SEMA3E: variants seen among roughly 807,000 people sequenced by gnomAD.
SEMA3E encodes semaphorin-3E.
A neutral mutation model predicts 93.6 loss-of-function variants in SEMA3E; 49 were observed. The observed-to-expected ratio is 0.52, with a 90% confidence interval of 0.42 to 0.66. The LOEUF is 0.66. Among genes scored for constraint, SEMA3E ranks in the 30% least tolerant of loss-of-function variants. The pLI, the probability that SEMA3E is intolerant of heterozygous loss-of-function variation, is 0.00. For missense variants in SEMA3E, 906 were observed against 964.8 expected, an observed-to-expected ratio of 0.94 and a Z score of 0.81; for synonymous variants, 363 against 330.7, an observed-to-expected ratio of 1.10 and a Z score of -1.06.
intron 1 of SEMA3E, among the ~76,000 whole-genome samples, chr7:83,582,815 T>C (rs951399417): frequency 7.2e-5 from 11 of 152,158 alleles, no homozygotes; most frequent in Admixed American, 7.2e-4. Context: ...TATATACACA[T>C]ATACAAACAC....
intron 16 of SEMA3E, among the ~76,000 whole-genome samples, chr7:83,377,261 G>T (rs1787664599): frequency 6.6e-6 from 1 of 151,922 alleles, no homozygotes; most frequent in Admixed American, 6.6e-5. Flanking sequence ...TGCACAAAAA[G>T]ACTTTTTCCC....
chr7:83,588,660 C>G (rs529863190), intron 1 of SEMA3E, among the ~76,000 whole-genome samples: 14 of 152,092 alleles, frequency 9.2e-5, no homozygotes, highest in Admixed American at 5.9e-4. Flanking sequence ...AGTGTTTGAA[C>G]CTTTTTCCTC....
At chr7:83,454,272 A>AAAAAAAATATAT (rs1257792756) in intron 4 of SEMA3E, among the ~76,000 whole-genome samples, 2 of 110,134 alleles carry the variant, frequency 1.8e-5, no homozygotes, top group African/African-American at 8.7e-5. Flanking sequence ...AAAAAAAAAA[A>AAAAAAAATATAT]ATATATATAT....
chr7:83,635,642 C>A (rs887470647), intron 1 of SEMA3E, among the ~76,000 whole-genome samples: 3 of 151,452 alleles, frequency 2.0e-5, no homozygotes, highest in Non-Finnish European at 4.4e-5. Flanking sequence ...CATGAAAAAA[C>A]ATTTTTTCTT....
chr7:83,443,978 G>T (rs1454687237), intron 4 of SEMA3E, among the ~76,000 whole-genome samples: 1 of 151,510 alleles, frequency 6.6e-6, no homozygotes, highest in African/African-American at 2.4e-5. Context: ...TTCAATGACT[G>T]CTGCCAGCAT....
intron 4 of SEMA3E, among the ~76,000 whole-genome samples, chr7:83,435,979 C>T (rs1788995870): frequency 6.6e-6 from 1 of 151,930 alleles, no homozygotes; most frequent in Non-Finnish European, 1.5e-5. Context: ...CATGTTGGAG[C>T]CTTTCTTTGT....
Position 83,400,071 on chromosome 7 carries a change from C to A in SEMA3E, c.1323G>T (p.Val441=), listed in dbSNP as rs1447866157. The A allele has an allele frequency of 1.9e-6, 3 of 1,613,896 alleles. No individual in the cohort carries two copies. Among genetic ancestry groups the A allele is most frequent in the Non-Finnish European group, 2.5e-6 (3 of 1,179,954 alleles). Reference sequence around the variant, plus strand: ...CGTCATATTGGCCATCCTCAGCTTCCACTCGATCTACTGCTATTTGTTTCA... The same window carrying A: ...CGTCATATTGGCCATCCTCAGCTTCAACTCGATCTACTGCTATTTGTTTCA... The part of the protein sequence containing the change: ...YNLKQIAVDR[V]EAEDGQYDVL... The change falls in exon 11 of 17, where the codon GTG becomes GTT. Residue 441 remains valine, a synonymous_variant. Transcript: ENST00000643230.
At chr7:83,599,555 A>C (rs142218802) in intron 1 of SEMA3E, among the ~76,000 whole-genome samples, 1 of 152,344 alleles carries the variant, frequency 6.6e-6, no homozygotes, top group African/African-American at 2.4e-5. Context: ...TGTTAACATA[A>C]GTATGAATAG....
chr7:83,637,432 G>C (rs1438398462), intron 1 of SEMA3E, among the ~76,000 whole-genome samples: 1 of 151,930 alleles, frequency 6.6e-6, no homozygotes, highest in Non-Finnish European at 1.5e-5. Context: ...AAAATTATAG[G>C]CTCTTTTAAT....
rs1482050925 is a variant in SEMA3E at position 83,368,074 on chromosome 7, A to G, written c.1876-36T>C. ...AAAAAAGTAAATGGCACTGAAGTAC[A>G]CAGGAGAGAAAATAACAATCCATCA... On this transcript the variant is annotated intron_variant, in intron 16 of 16. Coordinates refer to ENST00000643230, the MANE Select transcript of SEMA3E (RefSeq NM_012431.3). 13 of 1,573,964 alleles carry G rather than the reference A, an allele frequency of 8.3e-6. 1 individual carries two copies. Among genetic ancestry groups the G allele is most frequent in the Middle Eastern group, 2.0e-4 (1 of 5,012 alleles).
intron 14 of SEMA3E, among the ~76,000 whole-genome samples, chr7:83,389,672 T>A (rs1438717833): frequency 6.6e-6 from 1 of 151,180 alleles, no homozygotes; most frequent in South Asian, 2.1e-4. Flanking sequence ...TACACACATA[T>A]ACACGTATAT....
intron 1 of SEMA3E, among the ~76,000 whole-genome samples, chr7:83,647,375 T>C (rs927032372): frequency 2.6e-5 from 4 of 152,148 alleles, no homozygotes; most frequent in African/African-American, 7.2e-5. Flanking sequence ...CTGTTCTTTC[T>C]ACAGTGGGGG....
intron 1 of SEMA3E, among the ~76,000 whole-genome samples, chr7:83,589,416 A>G (rs1429064412): frequency 1.3e-5 from 2 of 152,150 alleles, no homozygotes; most frequent in African/African-American, 4.8e-5. Flanking sequence ...TCATAGATAT[A>G]ACTTCAAACC....
At chr7:83,489,709 A>AGT (rs1790340026) in intron 2 of SEMA3E, among the ~76,000 whole-genome samples, 1 of 151,652 alleles carries the variant, frequency 6.6e-6, no homozygotes, top group South Asian at 2.1e-4. Context: ...TATTACCAAC[A>AGT]GAACTATATG....
intron 14 of SEMA3E, 116 bp downstream of exon 14, chr7:83,392,439 T>C (rs1351428566): frequency 8.5e-7 from 1 of 1,170,510 alleles, no homozygotes; most frequent in African/African-American, 1.5e-5. Flanking sequence ...TGCCAGTCTC[T>C]GTACACAATA....
intron 1 of SEMA3E, among the ~76,000 whole-genome samples, chr7:83,515,813 C>T (rs932924550): frequency 2.0e-5 from 3 of 151,974 alleles, no homozygotes; most frequent in Non-Finnish European, 2.9e-5. Flanking sequence ...GGATCACCTG[C>T]GGTCAGGAGT....
At chr7:83,434,709 C>CT (rs76539180) in intron 4 of SEMA3E, among the ~76,000 whole-genome samples, 3,143 of 119,726 alleles carry the variant, frequency 0.026, 102 homozygotes, top group African/African-American at 0.05. Flanking sequence ...AACTGTATTT[C>CT]TTTTTTTTTT....
In SEMA3E at chr7:83,648,655, C is replaced by A. The variant is rs2115733151; in HGVS notation, c.-113G>T. The A allele has an allele frequency of 2.5e-6, 2 of 788,166 alleles. No individual in the cohort carries two copies. The highest frequency in any genetic ancestry group is 1.7e-5 in the African/African-American group (1 of 58,486). 48.8% of individuals were successfully genotyped at this position (788,166 alleles called of 1,614,324 possible). A position where few individuals can be genotyped will look rare whatever the true frequency, so the allele number is the denominator to read the frequency against. On this transcript the variant is annotated 5_prime_UTR_variant, in exon 1 of 17. Coordinates refer to ENST00000643230, the MANE Select transcript of SEMA3E (RefSeq NM_012431.3). ...GAGAGGCTTTGTCAGAAATCGAACGCGTTGTCATCAGAAAGCACAGTTCCG... is the reference window on the plus strand; with the variant it reads ...GAGAGGCTTTGTCAGAAATCGAACGAGTTGTCATCAGAAAGCACAGTTCCG...
At chr7:83,427,302 A>T (rs1206112355) in intron 4 of SEMA3E, among the ~76,000 whole-genome samples, 1 of 151,112 alleles carries the variant, frequency 6.6e-6, no homozygotes, top group Non-Finnish European at 1.5e-5. Context: ...CAAATTACTG[A>T]CTCGATGGTA....
Sources: gnomAD v4.1 joint callset for allele counts (sites outside exome capture counted in the v4.1 genomes callset) on GRCh38, gnomAD v4.1.1 for gene constraint, MANE v1.5 for transcripts, NCBI Gene and HGNC (gene_info 2026-07-23, HGNC 2026-07-21) for gene names.